The following TMEM165 variants were observed in gnomAD, a reference collection of about 807,000 sequenced individuals.
The protein encoded by TMEM165 is transmembrane protein 165.
In TMEM165, 19 loss-of-function variants were observed where a neutral mutation model predicts 30.0. The observed-to-expected ratio is 0.63, with a 90% CI of 0.44 to 0.93. The LOEUF is 0.93. TMEM165 is among the 40% of genes least tolerant of loss of function. The pLI, the probability that TMEM165 is intolerant of heterozygous loss-of-function variation, is 0.00. For synonymous variants in TMEM165, 168 were observed against 162.9 expected, an observed-to-expected ratio of 1.03 and a Z score of -0.24; for missense variants, 340 against 417.0, an observed-to-expected ratio of 0.82 and a Z score of 1.61.
chr4:55,439,859 C>T (rs1723207437), intron 3 of TMEM165, among the ~76,000 whole-genome samples: 1 of 151,902 alleles, frequency 6.6e-6, no homozygotes, highest in Non-Finnish European at 1.5e-5. Context: ...AGAATGGGGA[C>T]TTGTATAATG....
chr4:55,397,833 A>T (rs1215427435), intron 1 of TMEM165, among the ~76,000 whole-genome samples: 1 of 151,782 alleles, frequency 6.6e-6, no homozygotes, highest in Non-Finnish European at 1.5e-5. Flanking sequence ...TGCAACCTCT[A>T]ATTGATCCTC....
chr4:55,448,997 A>T, intron 3 of TMEM165: 5 of 751,108 alleles, frequency 6.7e-6, no homozygotes, highest in Non-Finnish European at 9.0e-6. Context: ...TTAGCTGAAT[A>T]CAGCTATGTC....
intron 1 of TMEM165, chr4:55,398,799 T>C (rs1720833992): frequency 6.6e-6 from 1 of 151,360 alleles, no homozygotes; most frequent in African/African-American, 2.4e-5. Flanking sequence ...TGGGTTGAAG[T>C]AGTTGCATGT....
At chr4:55,420,106 A>AAAAAAAATATATATATATAT (rs1474254120) in intron 4 of TMEM165, among the ~76,000 whole-genome samples, 1 of 45,468 alleles carries the variant, frequency 2.2e-5, no homozygotes, top group African/African-American at 8.2e-5. Flanking sequence ...AAGAAAAAAA[A>AAAAAAAATATATATATATAT]ATATATATAT....
intron 2 of TMEM165, among the ~76,000 whole-genome samples, chr4:55,413,255 T>C (rs1206736093): frequency 6.6e-6 from 1 of 152,166 alleles, no homozygotes; most frequent in Non-Finnish European, 1.5e-5. Flanking sequence ...ACTGATATTA[T>C]AGGTATGTGT....
At chr4:55,427,053 T>TTTTGA (rs10654590), downstream of TMEM165, among the ~76,000 whole-genome samples, 16 of 143,956 alleles carry the variant, frequency 1.1e-4, no homozygotes, top group East Asian at 2.1e-4. Context: ...TTTTTTTTTT[T>TTTTGA]GAGAGAGTCT....
At chr4:55,432,546 TTAAC>T (rs1722591730) in intron 3 of TMEM165, 3 of 146,402 alleles carry the variant, frequency 2.0e-5, no homozygotes, top group East Asian at 2.0e-4. Flanking sequence ...ATTTGGGATT[TTAAC>T]TAACAGCTTT....
intron 4 of TMEM165, 193 bp downstream of exon 4, chr4:55,418,178 A>G: frequency 2.0e-6 from 1 of 491,660 alleles, no homozygotes. Context: ...AAATTCTTGT[A>G]ACCAAGCTCA....
At chr4:55,425,000 G>A (rs951979627) in intron 5 of TMEM165, among the ~76,000 whole-genome samples, 1 of 152,190 alleles carries the variant, frequency 6.6e-6, no homozygotes, top group Admixed American at 6.5e-5. Flanking sequence ...AATATGTCCT[G>A]TGAAGCCACA....
At chr4:55,424,208 T>A (rs1315478356) in intron 4 of TMEM165, 1 of 241,650 alleles carries the variant, frequency 4.1e-6, no homozygotes, top group Non-Finnish European at 7.9e-6. Context: ...AAATCCTCCC[T>A]AGCACTTGTC....
In TMEM165 at chr4:55,444,775, G is replaced by A; in HGVS notation, c.409-7464G>A. On this transcript the variant is annotated intron_variant, in intron 3 of 3. Transcript: ENST00000608091. Reference sequence around the variant, plus strand: ...ATGTTGCATGGCTCCTAATTGAGCTGAAAACTGAAACTGAAGTACCATGTA... The same window carrying A: ...ATGTTGCATGGCTCCTAATTGAGCTAAAAACTGAAACTGAAGTACCATGTA... 1 of 1,613,952 alleles carries A rather than the reference G, an allele frequency of 6.2e-7. No individual in the cohort carries two copies. The highest frequency in any genetic ancestry group is 8.5e-7 in the Non-Finnish European group (1 of 1,179,974).
intron 1 of TMEM165, among the ~76,000 whole-genome samples, chr4:55,405,672 T>C (rs1287144520): frequency 1.3e-5 from 2 of 152,226 alleles, no homozygotes. Flanking sequence ...TAGTGATTTT[T>C]CTTTCCATTG....
intron 4 of TMEM165, among the ~76,000 whole-genome samples, chr4:55,420,106 A>AAAAAAAAAAT (rs1474254120): frequency 2.0e-4 from 9 of 45,448 alleles, no homozygotes; most frequent in Non-Finnish European, 2.5e-4. Context: ...AAGAAAAAAA[A>AAAAAAAAAAT]ATATATATAT....
chr4:55,436,818 T>C (rs1722910574), intron 3 of TMEM165, among the ~76,000 whole-genome samples: 1 of 151,916 alleles, frequency 6.6e-6, no homozygotes, highest in African/African-American at 2.4e-5. Flanking sequence ...GTGTATTTAT[T>C]ACCTACATAC....
At chr4:55,447,282 T>G (rs1028989072) in intron 3 of TMEM165, among the ~76,000 whole-genome samples, 6 of 152,220 alleles carry the variant, frequency 3.9e-5, no homozygotes, top group Non-Finnish European at 7.4e-5. Flanking sequence ...CGGGATCGCC[T>G]GAGCTCAGGA....
rs747796211 is a variant in TMEM165 at position 55,443,894 on chromosome 4, C to T, written c.409-8345C>T. 7.4e-6 allele frequency: 12 copies of T among 1,611,432 alleles called. No individual in the cohort carries two copies. The South Asian group carries it at 1.2e-4, about 16-fold the overall frequency. On this transcript the variant is annotated intron_variant, in intron 3 of 3. Transcript: ENST00000608091. ...ACCCAGGATTTGATTGTTGCAAAAA[C>T]ATCTTTAAAAATAAAGATTATGTTA...
chr4:55,397,482 G>A (rs568017931), intron 1 of TMEM165: 48 of 149,298 alleles, frequency 3.2e-4, no homozygotes, highest in African/African-American at 1.1e-3. Context: ...CCTAACACAA[G>A]ACCTTTTCAA....
At chr4:55,419,273 A>G (rs1039253760) in intron 4 of TMEM165, among the ~76,000 whole-genome samples, 6 of 152,114 alleles carry the variant, frequency 3.9e-5, no homozygotes, top group Admixed American at 1.3e-4. Flanking sequence ...ATTATAGGCG[A>G]GAGTCACTGC....
At chr4:55,416,330 G>A (rs145380680) in intron 2 of TMEM165, among the ~76,000 whole-genome samples, 38 of 152,174 alleles carry the variant, frequency 2.5e-4, no homozygotes, top group African/African-American at 8.4e-4. Flanking sequence ...ACTTTGCCCA[G>A]CCAAATTTTT....
Sources: allele counts gnomAD v4.1 joint callset (sites outside exome capture counted in the v4.1 genomes callset), GRCh38; gene constraint gnomAD v4.1.1; transcripts MANE v1.5; gene names NCBI Gene and HGNC (gene_info 2026-07-23, HGNC 2026-07-21).